The following TFCP2L1 variants were observed in gnomAD, a reference collection of about 807,000 sequenced individuals.
TFCP2L1 encodes transcription factor CP2 like 1, also known as transcription factor CP2-like protein 1.
A neutral mutation model predicts 72.2 loss-of-function variants in TFCP2L1; 12 were observed. The ratio of observed to expected loss-of-function variants is 0.17; its 90% CI spans 0.11 to 0.27. TFCP2L1 has a LOEUF of 0.27. Ranked by LOEUF, TFCP2L1 falls within the 10% of genes least tolerant of loss-of-function variation. The pLI is 1.00. For synonymous variants in TFCP2L1, 260 were observed against 251.0 expected (o/e 1.04, Z -0.34); for missense variants, 488 against 624.6 (o/e 0.78, Z 2.33).
At chr2:121,224,710 T>C (rs971237280) in intron 14 of TFCP2L1, among the ~76,000 whole-genome samples, 5 of 152,084 alleles carry the variant, frequency 3.3e-5, no homozygotes, top group African/African-American at 9.7e-5. Context: ...TGGCTGGGCG[T>C]GGTGGCTCAC....
intron 2 of TFCP2L1, among the ~76,000 whole-genome samples, chr2:121,268,832 C>T (rs74481397): frequency 8.0e-5 from 12 of 149,824 alleles, no homozygotes; most frequent in African/African-American, 3.0e-4. Flanking sequence ...ATACCTTTCA[C>T]GGCCATACAG....
At chr2:121,227,273 C>T (rs1479794315) in intron 13 of TFCP2L1, among the ~76,000 whole-genome samples, 1 of 152,160 alleles carries the variant, frequency 6.6e-6, no homozygotes, top group African/African-American at 2.4e-5. Context: ...ATTCTGGTAA[C>T]CTGAGTGCAG....
chr2:121,269,173 G>A (rs115961348), intron 2 of TFCP2L1, among the ~76,000 whole-genome samples: 1,981 of 152,206 alleles, frequency 0.013, 45 homozygotes, highest in African/African-American at 0.045. Flanking sequence ...ATGGCTGGGC[G>A]CAGTGGCTTA....
Position 121,222,602 on chromosome 2 carries a change from T to C in TFCP2L1, c.*1739A>G, listed in dbSNP as rs2104648873. On this transcript the variant is annotated 3_prime_UTR_variant, in exon 15 of 15. Transcript: ENST00000263707. ...ATGTCCAGAGTAGGTTAATCTTACA[T>C]AGAAAGTAGATTCATGGCTGCCTTG... is the stretch of plus-strand genomic sequence containing the variant. 6.6e-6 allele frequency: 1 copy of C among 152,314 alleles called. No homozygotes were observed. Among genetic ancestry groups the C allele is most frequent in the South Asian group, 2.1e-4 (1 of 4,824 alleles). The allele number at this position is 152,314 out of a possible 1,614,324, so 9.4% of individuals were successfully genotyped here. A position where few individuals can be genotyped will look rare whatever the true frequency, so the allele number is the denominator to read the frequency against.
chr2:121,253,923 C>T (rs1686660616), intron 2 of TFCP2L1, among the ~76,000 whole-genome samples: 1 of 152,182 alleles, frequency 6.6e-6, no homozygotes, highest in East Asian at 1.9e-4. Context: ...GACCTCCCAC[C>T]CAACTCACAC....
rs182925945 is a variant in TFCP2L1 at position 121,257,017 on chromosome 2, G to A, written c.215-7370C>T. On this transcript the variant is annotated intron_variant, in intron 2 of 14. Transcript: ENST00000263707. ...CAGGAGGTAGAACCATACCGGGCAGGAGTGCCTGGAAAGGCTTCAAGGCAA... is the reference window on the plus strand; with the variant it reads ...CAGGAGGTAGAACCATACCGGGCAGAAGTGCCTGGAAAGGCTTCAAGGCAA... Among the ~76,000 whole-genome samples, 16 of 152,254 alleles carry A rather than the reference G, an allele frequency of 1.1e-4. No homozygotes were observed. In the East Asian group the frequency reaches 2.9e-3, roughly 28 times the overall value.
intron 2 of TFCP2L1, 30 bp from the exon 3 acceptor site, chr2:121,249,677 T>C (rs1317126385): frequency 1.2e-6 from 2 of 1,609,150 alleles, no homozygotes; most frequent in East Asian, 4.5e-5. Flanking sequence ...ACATTTTCCA[T>C]TTCTGAGTAT....
At chr2:121,228,648 C>T (rs1262403458) in intron 13 of TFCP2L1, among the ~76,000 whole-genome samples, 1 of 151,256 alleles carries the variant, frequency 6.6e-6, no homozygotes, top group Non-Finnish European at 1.5e-5. Context: ...TGCCTGTGGT[C>T]CCAGCTACTC....
intron 3 of TFCP2L1, 95 bp downstream of exon 3, chr2:121,249,476 T>C: frequency 8.4e-7 from 1 of 1,194,830 alleles, no homozygotes; most frequent in Non-Finnish European, 1.2e-6. Context: ...TCCCTAACCT[T>C]CCAGCTACCC....
At position 121,237,847 on chromosome 2, in the gene TFCP2L1, G is replaced by A. The variant is rs779341551; in HGVS notation, c.864C>T (p.Asn288=). Reference sequence around the variant, plus strand: ...CCTCCACCGGGTGGGTCGGAGAGGCGTTGCTGCAAGGAAAAGGAACCAGTG... The same window carrying A: ...CCTCCACCGGGTGGGTCGGAGAGGCATTGCTGCAAGGAAAAGGAACCAGTG... The part of the protein sequence containing the change: ...SPNSFGLGEG[N]ASPTHPVEAL... The change falls in exon 9 of 15, where the codon AAC becomes AAT. Residue 288 remains asparagine, a synonymous_variant. Coordinates refer to ENST00000263707, the MANE Select transcript of TFCP2L1 (RefSeq NM_014553.3). 18 of 1,613,916 alleles carry A rather than the reference G, an allele frequency of 1.1e-5. No homozygotes were observed. The highest frequency in any genetic ancestry group is 5.3e-5 in the African/African-American group (4 of 74,932).
chr2:121,282,800 A>G (rs1687291084), intron 1 of TFCP2L1, among the ~76,000 whole-genome samples: 1 of 152,158 alleles, frequency 6.6e-6, no homozygotes, highest in Non-Finnish European at 1.5e-5. Flanking sequence ...TTCCTCGCAC[A>G]TCATAAACAA....
chr2:121,281,139 C>T lies in TFCP2L1; in HGVS notation c.195G>A (p.Thr65=), dbSNP rs764238186. 56 of 1,613,862 alleles carry T rather than the reference C, an allele frequency of 3.5e-5. No individual in the cohort carries two copies. The highest frequency in any genetic ancestry group is 4.4e-5 in the South Asian group (4 of 91,084). ...TSPAVKLHEE[T]LTYLNQGQSY... is the part of the protein sequence containing the mutation. ...CACTACCTTGGTTGAGGTAGGTCAG[C>T]GTCTCTTCATGCAGCTTCACGGCTG... Residue 65 remains threonine, a synonymous_variant, in exon 2 of 15, where the codon ACG becomes ACA. Coordinates refer to ENST00000263707, the MANE Select transcript of TFCP2L1 (RefSeq NM_014553.3).
Position 121,239,589 on chromosome 2 carries a change from C to A in TFCP2L1, c.829G>T (p.Gly277Cys). Reference protein sequence around the residue: ...VNSAPSPSYNGSPNSFGLGEG... With the variant: ...VNSAPSPSYNCSPNSFGLGEG... Reference sequence around the variant, plus strand: ...CCGAGGCCAAAGCTGTTTGGAGAACCATTGTAGCTTGGGGACGGGGCGCTG... The same window carrying A: ...CCGAGGCCAAAGCTGTTTGGAGAACAATTGTAGCTTGGGGACGGGGCGCTG... The change falls in exon 8 of 15, where the codon GGT (glycine) becomes TGT (cysteine). Residue 277 changes from glycine to cysteine, a missense_variant. Around this residue, in one of 3 missense-constraint regions of TFCP2L1, gnomAD observed 286 missense variants for 329.0 expected, o/e 0.87. Transcript: ENST00000263707. The A allele has an allele frequency of 6.2e-7, 1 of 1,614,148 alleles. No individual in the cohort carries two copies.
chr2:121,274,110 G>GA (rs567602173), intron 2 of TFCP2L1, among the ~76,000 whole-genome samples: 44 of 139,216 alleles, frequency 3.2e-4, no homozygotes, highest in African/African-American at 6.8e-4. Flanking sequence ...AAAAAAAAAA[G>GA]AAAAAAAAAA....
chr2:121,230,804 G>A (rs1573358288), intron 13 of TFCP2L1, among the ~76,000 whole-genome samples: 2 of 151,626 alleles, frequency 1.3e-5, no homozygotes, highest in East Asian at 3.9e-4. Context: ...GGCTGGGCAT[G>A]GTGGCTCACA....
rs367604319 is a variant in TFCP2L1, at chr2:121,249,464, T to C, written c.291+107A>G. On this transcript the variant is annotated intron_variant, in intron 3 of 14. Transcript: ENST00000263707. ...GTTGAGGGCTGAGCTGAACCCGGCC[T>C]CTCCCTAACCTTCCAGCTACCCGTG... 2.2e-4 allele frequency: 230 copies of C among 1,032,846 alleles called. 1 individual carries two copies. The South Asian group carries it at 3.0e-3, about 14-fold the overall frequency. The allele number at this position is 1,032,846 out of a possible 1,614,324, so 64.0% of individuals were successfully genotyped here.
chr2:121,237,882 GA>G (rs764376698), intron 8 of TFCP2L1, 32 bp from the exon 9 acceptor site: 1 of 1,612,692 alleles, frequency 6.2e-7, no homozygotes, highest in Non-Finnish European at 8.5e-7. Flanking sequence ...GATGAGGACA[GA>G]GGGGGCTCCC....
chr2:121,255,612 G>A (rs867713788), intron 2 of TFCP2L1, among the ~76,000 whole-genome samples: 5 of 152,212 alleles, frequency 3.3e-5, no homozygotes, highest in African/African-American at 7.2e-5. Flanking sequence ...GTCTGACGCC[G>A]AAGGTGGAAC....
In TFCP2L1 at chr2:121,228,772, C is replaced by CAAAAAAA. The variant is rs59300568; in HGVS notation, c.1341+3047_1341+3053dup. Among the ~76,000 whole-genome samples the CAAAAAAA allele has an allele frequency of 7.6e-4, 44 of 58,176 alleles. 2 individuals are homozygous for CAAAAAAA. The highest frequency in any genetic ancestry group is 8.4e-4 in the Non-Finnish European group (30 of 35,670). The allele number at this position is 58,176 out of a possible 152,430, so 38.2% of individuals were successfully genotyped here. ...GGTTACAGAGTGAAACCGTGACTCA[C>CAAAAAAA]AAAAAAAAAAAAAAAAAAAAAAAAG... On this transcript the variant is annotated intron_variant, in intron 13 of 14. Transcript: ENST00000263707.
Sources: allele counts gnomAD v4.1 joint callset (sites outside exome capture counted in the v4.1 genomes callset), GRCh38; gene constraint gnomAD v4.1.1; regional missense constraint gnomAD v4.1.1; transcripts MANE v1.5; gene names NCBI Gene and HGNC (gene_info 2026-07-23, HGNC 2026-07-21).